PTPRN2: variants seen among roughly 807,000 people sequenced by gnomAD.
The protein encoded by PTPRN2 is protein tyrosine phosphatase receptor type N2, also known as receptor-type tyrosine-protein phosphatase N2.
A neutral mutation model predicts 118.8 loss-of-function variants in PTPRN2; 74 were observed. The observed-to-expected ratio is 0.62, with a 90% CI of 0.52 to 0.76. The LOEUF is 0.76. Among genes scored for constraint, PTPRN2 ranks in the 30% least tolerant of loss-of-function variants. The pLI is 0.00. For synonymous variants in PTPRN2, 641 were observed against 608.0 expected (o/e 1.05, Z -0.80); for missense variants, 1,481 against 1,394.4 (o/e 1.06, Z -0.99).
intron 2 of PTPRN2, among the ~76,000 whole-genome samples, chr7:158,317,717 C>A (rs961792540): frequency 6.6e-6 from 1 of 152,180 alleles, no homozygotes; most frequent in East Asian, 1.9e-4. Flanking sequence ...CAGCTTCGGG[C>A]GGGGCGGAAG....
chr7:158,363,153 C>T (rs1809136863), intron 2 of PTPRN2, among the ~76,000 whole-genome samples: 1 of 152,188 alleles, frequency 6.6e-6, no homozygotes, highest in African/African-American at 2.4e-5. Flanking sequence ...CAGCAGCTCG[C>T]CAGCCTTCGC....
At chr7:157,873,320 G>A (rs576048654) in intron 12 of PTPRN2, among the ~76,000 whole-genome samples, 3 of 152,264 alleles carry the variant, frequency 2.0e-5, no homozygotes, top group Non-Finnish European at 4.4e-5. Flanking sequence ...GCCTGACCTC[G>A]TCTGAGGCTC....
In PTPRN2 at chr7:157,551,054, C is replaced by G. The variant is rs753654400; in HGVS notation, c.2903-2035G>C. 4.5e-4 allele frequency among the ~76,000 whole-genome samples: 68 copies of G among 152,268 alleles called. 1 individual carries two copies. Among genetic ancestry groups the G allele is most frequent in the Non-Finnish European group, 8.5e-4 (58 of 68,010 alleles). On this transcript the variant is annotated intron_variant, in intron 21 of 22. Transcript: ENST00000389418. ...GCTTCCTCTCCTCCTCCTCCTCCCACGGACACTCCTGCAGTTGGTGCCTAC... is the reference window on the plus strand; with the variant it reads ...GCTTCCTCTCCTCCTCCTCCTCCCAGGGACACTCCTGCAGTTGGTGCCTAC...
intron 12 of PTPRN2, among the ~76,000 whole-genome samples, chr7:157,839,162 C>T (rs1808190131): frequency 1.3e-5 from 2 of 152,250 alleles, no homozygotes; most frequent in Admixed American, 1.3e-4. Context: ...TTATATTTGG[C>T]ACAAGACAGA....
At chr7:157,866,806 C>T (rs1810707481) in intron 12 of PTPRN2, among the ~76,000 whole-genome samples, 1 of 129,810 alleles carries the variant, frequency 7.7e-6, no homozygotes, top group African/African-American at 3.0e-5. Context: ...CCGCCCCCGA[C>T]GCCCTGGATA....
rs911867926 is a variant in PTPRN2, at chr7:158,526,246, G to C, written c.113-36461C>G. Among the ~76,000 whole-genome samples, 1 of 152,150 alleles carries C rather than the reference G, an allele frequency of 6.6e-6. No homozygotes were observed. The highest frequency in any genetic ancestry group is 1.5e-5 in the Non-Finnish European group (1 of 68,026). ...TTGTGTGGCGAAGGGGTCACCCCTC[G>C]TGCAGGCTCAGGCCCTCCCTGCCCA... On this transcript the variant is annotated intron_variant, in intron 1 of 22. Coordinates refer to ENST00000389418, the MANE Select transcript of PTPRN2 (RefSeq NM_002847.5). The surrounding 1 kb of genome is among the most constrained non-coding windows in gnomAD (Gnocchi z 5.2).
At chr7:158,164,893 C>A (rs978843437) in intron 6 of PTPRN2, among the ~76,000 whole-genome samples, 1 of 152,146 alleles carries the variant, frequency 6.6e-6, no homozygotes, top group East Asian at 1.9e-4. Flanking sequence ...GTATTCACCG[C>A]CTGTGGCCAA....
chr7:157,641,899 G>C (rs1354778831), intron 14 of PTPRN2, among the ~76,000 whole-genome samples: 1 of 152,050 alleles, frequency 6.6e-6, no homozygotes, highest in Non-Finnish European at 1.5e-5. Flanking sequence ...GTGTTCACTC[G>C]AGTCCAGGCT....
At chr7:157,709,278 A>G (rs1798481948) in intron 12 of PTPRN2, among the ~76,000 whole-genome samples, 1 of 152,230 alleles carries the variant, frequency 6.6e-6, no homozygotes, top group Admixed American at 6.5e-5. Context: ...ACAGCTCTGG[A>G]CAAAAGCTCC....
At chr7:158,276,550 C>T (rs1799015088) in intron 3 of PTPRN2, among the ~76,000 whole-genome samples, 1 of 151,912 alleles carries the variant, frequency 6.6e-6, no homozygotes, top group South Asian at 2.1e-4. Context: ...GGCAGCACCC[C>T]CACACCCTGG....
chr7:158,314,661 C>A (rs899109506), intron 3 of PTPRN2, among the ~76,000 whole-genome samples: 10 of 114,320 alleles, frequency 8.7e-5, no homozygotes, highest in African/African-American at 3.4e-4. Flanking sequence ...GCGCCCTGGC[C>A]CACACCGCCA....
chr7:158,397,165 T>C (rs1812577861), intron 2 of PTPRN2, among the ~76,000 whole-genome samples: 5 of 152,246 alleles, frequency 3.3e-5, no homozygotes, highest in Admixed American at 3.3e-4. Context: ...CTTCAGCATT[T>C]TTTCCTTCCT....
chr7:158,140,735 G>A (rs755694864), intron 6 of PTPRN2, among the ~76,000 whole-genome samples: 5 of 152,178 alleles, frequency 3.3e-5, no homozygotes, highest in African/African-American at 1.2e-4. Flanking sequence ...CGTGGCCGCT[G>A]GTTCCAGGCC....
intron 3 of PTPRN2, among the ~76,000 whole-genome samples, chr7:158,282,981 G>T (rs895637871): frequency 6.9e-6 from 1 of 145,132 alleles, no homozygotes; most frequent in African/African-American, 2.6e-5. Flanking sequence ...TAGACGGCTC[G>T]TCCCTCCTCA....
intron 6 of PTPRN2, among the ~76,000 whole-genome samples, chr7:158,165,186 G>A (rs1471198609): frequency 6.8e-6 from 1 of 147,558 alleles, no homozygotes; most frequent in Admixed American, 6.9e-5. Context: ...ACCCACGAAA[G>A]TGCAGGAGGC....
chr7:157,965,952 C>T lies in PTPRN2; in HGVS notation c.1724-67215G>A, dbSNP rs141253409. 3.6e-3 allele frequency among the ~76,000 whole-genome samples: 541 copies of T among 152,304 alleles called. 3 individuals carry two copies. Among genetic ancestry groups the T allele is most frequent in the African/African-American group, 0.012 (484 of 41,564 alleles). ...CTGTGCCCAGCACTTTGACCAGCACCGTGGAATCAGCTTCCCAAAGCATGC... is the reference window on the plus strand; with the variant it reads ...CTGTGCCCAGCACTTTGACCAGCACTGTGGAATCAGCTTCCCAAAGCATGC... On this transcript the variant is annotated intron_variant, in intron 11 of 22. Transcript: ENST00000389418.
In PTPRN2 at chr7:158,128,474, C is replaced by T. The variant is rs868375696; in HGVS notation, c.1556+5203G>A. ...AATATTCCAGTCCAAAAGGCATGGC[C>T]GGCAAACCCACTACAAGAAAATAAA... On this transcript the variant is annotated intron_variant, in intron 9 of 22. Coordinates refer to ENST00000389418, the MANE Select transcript of PTPRN2 (RefSeq NM_002847.5). Among the ~76,000 whole-genome samples, 9 of 152,210 alleles carry T rather than the reference C, an allele frequency of 5.9e-5. 1 individual carries two copies. In the East Asian group the frequency reaches 7.7e-4, roughly 13 times the overall value.
At chr7:157,927,847 G>C (rs1388788613) in intron 11 of PTPRN2, among the ~76,000 whole-genome samples, 4 of 152,032 alleles carry the variant, frequency 2.6e-5, no homozygotes, top group Non-Finnish European at 5.9e-5. Context: ...GGATGTTTAC[G>C]AGTTCTTACG....
At chr7:158,151,518 C>CGCCCGCCTTTCTATTCCT (rs1821150848) in intron 6 of PTPRN2, among the ~76,000 whole-genome samples, 5 of 58,552 alleles carry the variant, frequency 8.5e-5, no homozygotes, top group East Asian at 5.6e-4. Flanking sequence ...TGCTCCTCAC[C>CGCCCGCCTTTCTATTCCT]GCACGTCCTA....
Sources: gnomAD v4.1 joint callset for allele counts (sites outside exome capture counted in the v4.1 genomes callset) on GRCh38, gnomAD v4.1.1 for gene constraint, Gnocchi (gnomAD v3.1) non-coding constraint, MANE v1.5 for transcripts, NCBI Gene and HGNC (gene_info 2026-07-23, HGNC 2026-07-21) for gene names.